Variants in ITGAV observed in about 807,000 individuals in gnomAD.
ITGAV encodes integrin subunit alpha V.
A neutral mutation model predicts 143.8 loss-of-function variants in ITGAV; 76 were observed. That is an observed-to-expected ratio of 0.53 (90% CI 0.44 to 0.64). The LOEUF (loss-of-function observed/expected upper bound fraction) is 0.64, where lower values mean the gene tolerates loss of function less well. Among genes scored for constraint, ITGAV ranks in the 30% least tolerant of loss-of-function variants. The pLI is 0.00. For synonymous variants in ITGAV, 453 were observed against 446.7 expected (o/e 1.01, Z -0.18); for missense variants, 1,193 against 1,274.7 (o/e 0.94, Z 0.98).
intron 14 of ITGAV, 73 bp downstream of exon 14, chr2:186,649,958 G>T: frequency 2.0e-6 from 2 of 998,984 alleles, no homozygotes; most frequent in African/African-American, 1.7e-5. Context: ...AAGTGTCAGT[G>T]TTTGAATTTT....
chr2:186,661,885 G>A (rs1688757340), intron 18 of ITGAV, among the ~76,000 whole-genome samples: 3 of 151,956 alleles, frequency 2.0e-5, no homozygotes, highest in Admixed American at 6.6e-5. Context: ...ATGAGCCACC[G>A]TACCCAGCCT....
intron 6 of ITGAV, among the ~76,000 whole-genome samples, chr2:186,633,653 T>C (rs1033361090): frequency 1.3e-5 from 2 of 151,910 alleles, no homozygotes; most frequent in African/African-American, 4.8e-5. Flanking sequence ...TAAAGTAATT[T>C]ATTTTTATTG....
intron 8 of ITGAV, among the ~76,000 whole-genome samples, chr2:186,637,486 A>G (rs1027923675): frequency 1.3e-5 from 2 of 151,204 alleles, no homozygotes; most frequent in African/African-American, 4.8e-5. Flanking sequence ...TGTCTCAAAA[A>G]AAAAAAAAAA....
intron 2 of ITGAV, among the ~76,000 whole-genome samples, chr2:186,606,733 C>A (rs997834047): frequency 2.0e-5 from 3 of 152,102 alleles, no homozygotes; most frequent in African/African-American, 7.2e-5. Context: ...CCTTTACATC[C>A]ATGATTTTTG....
At chr2:186,643,819 G>A (rs1023326963) in intron 12 of ITGAV, among the ~76,000 whole-genome samples, 16 of 152,326 alleles carry the variant, frequency 1.1e-4, no homozygotes, top group East Asian at 7.7e-4. Context: ...AGATGATAGC[G>A]AAGAGAGAAG....
intron 1 of ITGAV, among the ~76,000 whole-genome samples, chr2:186,594,908 T>C (rs1686705896): frequency 6.6e-6 from 1 of 152,250 alleles, no homozygotes; most frequent in South Asian, 2.1e-4. Flanking sequence ...TATAATTTTG[T>C]TATTTAGAAA....
Position 186,652,032 on chromosome 2 carries a change from T to G in ITGAV, c.1448T>G (p.Ile483Ser). The G allele has an allele frequency of 6.2e-7, 1 of 1,613,844 alleles. No homozygotes were observed. The highest frequency in any genetic ancestry group is 8.5e-7 in the Non-Finnish European group (1 of 1,179,764). ...VNAGLEVYPS[I>S]LNQDNKTCSL... ...GCTGGTCTTGAAGTGTACCCTAGCA[T>G]TTTAAATCAAGACAATAAAACCTGC... is the stretch of plus-strand genomic sequence containing the variant. Residue 483 changes from isoleucine (I) to serine (S), a missense_variant, in exon 15 of 30, where the codon ATT becomes AGT. By Grantham distance (142) the Ile-to-Ser change is moderately radical. Transcript: ENST00000261023.
At chr2:186,663,472 C>G (rs528408047) in intron 18 of ITGAV, among the ~76,000 whole-genome samples, 9 of 152,144 alleles carry the variant, frequency 5.9e-5, no homozygotes, top group Non-Finnish European at 1.3e-4. Context: ...CTACACCAGT[C>G]TTCATTCAAA....
intron 12 of ITGAV, among the ~76,000 whole-genome samples, chr2:186,642,686 C>T (rs1688142847): frequency 1.4e-5 from 2 of 146,496 alleles, no homozygotes; most frequent in African/African-American, 5.0e-5. Context: ...AGGCTCCCAC[C>T]ACCTAGCCCA....
chr2:186,646,624 C>A, intron 12 of ITGAV, 62 bp from the exon 13 acceptor site: 2 of 1,298,122 alleles, frequency 1.5e-6, no homozygotes, highest in Non-Finnish European at 2.1e-6. Flanking sequence ...TCATTCTTCC[C>A]TTTCTTTTCC....
At chr2:186,667,319 C>A in intron 23 of ITGAV, 89 bp downstream of exon 23, 2 of 939,292 alleles carry the variant, frequency 2.1e-6, no homozygotes, top group Non-Finnish European at 1.7e-6. Flanking sequence ...GGACAATAGA[C>A]CCTGCATGTT....
At chr2:186,620,845 A>G (rs1687500870) in intron 2 of ITGAV, among the ~76,000 whole-genome samples, 1 of 152,218 alleles carries the variant, frequency 6.6e-6, no homozygotes, top group Non-Finnish European at 1.5e-5. Context: ...ATGATACTAT[A>G]GGTCTGCCTT....
chr2:186,612,841 TA>T (rs1409389053), intron 2 of ITGAV, among the ~76,000 whole-genome samples: 1 of 152,172 alleles, frequency 6.6e-6, no homozygotes, highest in Non-Finnish European at 1.5e-5. Flanking sequence ...AAAAGAAAAG[TA>T]GTTTCCCTTC....
At chr2:186,663,104 T>G (rs1688792624) in intron 18 of ITGAV, among the ~76,000 whole-genome samples, 1 of 152,176 alleles carries the variant, frequency 6.6e-6, no homozygotes, top group South Asian at 2.1e-4. Context: ...GCTGGAACAT[T>G]CTCCTGGCCA....
Position 186,633,407 on chromosome 2 carries a change from A to C in ITGAV, c.631+33A>C, listed in dbSNP as rs201243023. 8.8e-6 allele frequency: 12 copies of C among 1,356,720 alleles called. No individual in the cohort carries two copies. The South Asian group carries it at 1.5e-4, about 17-fold the overall frequency. The allele number at this position is 1,356,720 out of a possible 1,614,324, so 84.0% of individuals were successfully genotyped here. ...AATATTTTTTAAATTACAATTGGTG[A>C]CTATGTGTCGCTGATTCACCTGGCT... On this transcript the variant is annotated intron_variant, in intron 6 of 29. Transcript: ENST00000261023.
At position 186,590,532 on chromosome 2, in the gene ITGAV, C is replaced by T; in HGVS notation, c.185+9C>T. 1 of 1,609,388 alleles carries T rather than the reference C, an allele frequency of 6.2e-7. No homozygotes were observed. The highest frequency in any genetic ancestry group is 8.5e-7 in the Non-Finnish European group (1 of 1,178,328). ...GTGCCCAGCGCGTCTTCGTAAGTGGCCGCACTTGGAACTGGAGCCGGCCCC... is the reference window on the plus strand; with the variant it reads ...GTGCCCAGCGCGTCTTCGTAAGTGGTCGCACTTGGAACTGGAGCCGGCCCC... On this transcript the variant is annotated intron_variant, in intron 1 of 29. Transcript: ENST00000261023.
chr2:186,638,363 T>C (rs1037374027), intron 9 of ITGAV, 43 bp downstream of exon 9: 3 of 1,607,758 alleles, frequency 1.9e-6, no homozygotes, highest in Admixed American at 3.3e-5. Context: ...CTCTAAGTTA[T>C]CTTCTATTTT....
intron 1 of ITGAV, chr2:186,600,201 C>A (rs1385255779): frequency 3.7e-6 from 3 of 800,710 alleles, no homozygotes; most frequent in Non-Finnish European, 5.9e-6. Context: ...TCAGCCATAC[C>A]TTTCTTTGTA....
At chr2:186,624,500 A>C (rs1338648360) in intron 3 of ITGAV, among the ~76,000 whole-genome samples, 1 of 152,158 alleles carries the variant, frequency 6.6e-6, no homozygotes, top group African/African-American at 2.4e-5. Flanking sequence ...CTGGAGCGTC[A>C]AGTACGTGTA....
Sources: gnomAD v4.1 joint callset for allele counts (sites outside exome capture counted in the v4.1 genomes callset) on GRCh38, gnomAD v4.1.1 for gene constraint, MANE v1.5 for transcripts, NCBI Gene and HGNC (gene_info 2026-07-23, HGNC 2026-07-21) for gene names.